The following REEP3 variants were observed in gnomAD, a reference collection of about 807,000 sequenced individuals.
REEP3 encodes the protein receptor expression-enhancing protein 3.
A neutral mutation model predicts 41.3 loss-of-function variants in REEP3; 20 were observed. That is an observed-to-expected ratio of 0.48 (90% CI 0.34 to 0.70). REEP3 has a LOEUF of 0.70. REEP3 is among the 30% of genes least tolerant of loss of function. The pLI is 0.01. For missense variants in REEP3, 271 were observed against 308.8 expected (o/e 0.88, Z 0.92); for synonymous variants, 104 against 101.8 (o/e 1.02, Z -0.13).
At chr10:63,579,036 T>TA (rs1209321503) in intron 2 of REEP3, among the ~76,000 whole-genome samples, 1 of 113,174 alleles carries the variant, frequency 8.8e-6, no homozygotes, top group Non-Finnish European at 2.0e-5. Flanking sequence ...CTATGTGTTT[T>TA]TTTTTGGGGG....
chr10:63,566,467 G>A (rs2133375872), intron 2 of REEP3, 57 bp downstream of exon 2: 1 of 955,590 alleles, frequency 1.0e-6, no homozygotes, highest in African/African-American at 1.7e-5. Context: ...GATACACACT[G>A]AAAAACTGCT....
chr10:63,609,218 C>T (rs1019800676), intron 5 of REEP3, among the ~76,000 whole-genome samples: 6 of 151,390 alleles, frequency 4.0e-5, no homozygotes, highest in African/African-American at 9.7e-5. Context: ...TTTGGGAGGC[C>T]GAGGCAGGCG....
intron 1 of REEP3, among the ~76,000 whole-genome samples, chr10:63,552,718 G>A (rs1955641040): frequency 1.3e-5 from 2 of 152,274 alleles, no homozygotes; most frequent in South Asian, 4.1e-4. Flanking sequence ...GATTGGTGGA[G>A]ATTATACCAT....
At chr10:63,573,699 T>C (rs1258283258) in intron 2 of REEP3, among the ~76,000 whole-genome samples, 2 of 152,230 alleles carry the variant, frequency 1.3e-5, no homozygotes, top group Admixed American at 1.3e-4. Flanking sequence ...ATGCCAGTTC[T>C]ACAGATCTTA....
intron 1 of REEP3, chr10:63,562,609 C>T: frequency 2.2e-6 from 1 of 456,390 alleles, no homozygotes; most frequent in South Asian, 1.5e-5. Context: ...TATAAAATCC[C>T]CAGCAAGAGA....
chr10:63,594,724 A>C, intron 2 of REEP3, 54 bp from the exon 3 acceptor site: 1 of 1,049,906 alleles, frequency 9.5e-7, no homozygotes, highest in East Asian at 2.4e-5. Flanking sequence ...CATATTATTC[A>C]GAGTTGCAAA....
At chr10:63,546,957 T>G (rs1955583779) in intron 1 of REEP3, among the ~76,000 whole-genome samples, 1 of 152,030 alleles carries the variant, frequency 6.6e-6, no homozygotes, top group South Asian at 2.1e-4. Context: ...AGTTTCACTC[T>G]TTCACCCAGG....
intron 1 of REEP3, among the ~76,000 whole-genome samples, chr10:63,554,267 C>G (rs981116568): frequency 2.6e-4 from 40 of 152,210 alleles, no homozygotes; most frequent in African/African-American, 9.2e-4. Flanking sequence ...TTGGTCAGAT[C>G]ATGAGTAATC....
At chr10:63,562,905 G>T (rs1955756374) in intron 1 of REEP3, 1 of 456,334 alleles carries the variant, frequency 2.2e-6, no homozygotes, top group African/African-American at 2.0e-5. Context: ...GCATCAGAAT[G>T]TGACTACGTT....
chr10:63,573,006 G>A (rs1418387535), intron 2 of REEP3, among the ~76,000 whole-genome samples: 4 of 152,170 alleles, frequency 2.6e-5, no homozygotes, highest in Non-Finnish European at 4.4e-5. Flanking sequence ...TTTCTTTGTG[G>A]TATTTGGTTA....
intron 5 of REEP3, among the ~76,000 whole-genome samples, chr10:63,607,110 G>GGA (rs1287229615): frequency 2.0e-5 from 3 of 152,098 alleles, no homozygotes; most frequent in Non-Finnish European, 2.9e-5. Context: ...CTTTAAACTG[G>GGA]TTACATTGGA....
intron 1 of REEP3, among the ~76,000 whole-genome samples, chr10:63,530,491 T>G (rs1022823581): frequency 8.6e-6 from 1 of 116,496 alleles, no homozygotes; most frequent in African/African-American, 2.7e-5. Flanking sequence ...ATTTTAAAAA[T>G]ATATGTAGGA....
At chr10:63,583,112 C>T (rs989932403) in intron 2 of REEP3, among the ~76,000 whole-genome samples, 1 of 152,118 alleles carries the variant, frequency 6.6e-6, no homozygotes, top group Non-Finnish European at 1.5e-5. Context: ...CAGCCTCTGC[C>T]TCCCAAGTAG....
In REEP3 at chr10:63,587,813, G is replaced by C. The variant is rs532495151; in HGVS notation, c.106-6965G>C. On this transcript the variant is annotated intron_variant, in intron 2 of 7. Transcript: ENST00000373758. ...ATTCCTCATCTACCTGCAAAGAGGG[G>C]CTGAGGAACCCAGGCCCTGGCTCAG... is the stretch of plus-strand genomic sequence containing the variant. Among the ~76,000 whole-genome samples, 560 of 152,240 alleles carry C rather than the reference G, an allele frequency of 3.7e-3. 4 individuals are homozygous for C. Among genetic ancestry groups the C allele is most frequent in the African/African-American group, 0.013 (525 of 41,554 alleles).
intron 2 of REEP3, among the ~76,000 whole-genome samples, chr10:63,593,624 C>T (rs972907983): frequency 1.3e-5 from 2 of 152,114 alleles, no homozygotes; most frequent in African/African-American, 4.8e-5. Context: ...AGATTTTAAT[C>T]GTACGTGAAA....
intron 2 of REEP3, among the ~76,000 whole-genome samples, chr10:63,590,085 G>A (rs920286784): frequency 6.6e-6 from 1 of 152,008 alleles, no homozygotes; most frequent in Admixed American, 6.6e-5. Context: ...GTGAGCCACC[G>A]CACCTGGCCC....
At chr10:63,599,027 A>G (rs1446672397) in intron 4 of REEP3, 143 bp from the exon 5 acceptor site, 2 of 542,294 alleles carry the variant, frequency 3.7e-6, no homozygotes, top group Non-Finnish European at 6.4e-6. Context: ...CTCTCAAAAA[A>G]AAGAAAAGAA....
At chr10:63,559,240 T>G (rs1341997220) in intron 1 of REEP3, among the ~76,000 whole-genome samples, 1 of 152,228 alleles carries the variant, frequency 6.6e-6, no homozygotes, top group Non-Finnish European at 1.5e-5. Context: ...AGAAATTAAT[T>G]ATTAACACTA....
chr10:63,617,577 T>C (rs1956320992), intron 6 of REEP3, among the ~76,000 whole-genome samples: 1 of 151,920 alleles, frequency 6.6e-6, no homozygotes, highest in Non-Finnish European at 1.5e-5. Flanking sequence ...TTTTTGTATT[T>C]TTTGTAGAGA....
Sources: gnomAD v4.1 joint callset for allele counts (sites outside exome capture counted in the v4.1 genomes callset) on GRCh38, gnomAD v4.1.1 for gene constraint, MANE v1.5 for transcripts, NCBI Gene and HGNC (gene_info 2026-07-23, HGNC 2026-07-21) for gene names.